Variants in ANKFY1 observed in about 807,000 individuals in gnomAD.
ANKFY1 encodes the protein ankyrin repeat and FYVE domain containing 1.
ANKFY1 carries 47 observed loss-of-function variants against 128.3 expected under a neutral mutation model. The observed-to-expected ratio is 0.37, with a 90% CI of 0.29 to 0.47. The LOEUF (loss-of-function observed/expected upper bound fraction) is 0.47, where lower values mean the gene tolerates loss of function less well. ANKFY1 is among the 20% of genes least tolerant of loss of function. The pLI is 1.00. For synonymous variants in ANKFY1, 553 were observed against 601.6 expected, an observed-to-expected ratio of 0.92 and a Z score of 1.18; for missense variants, 1,222 against 1,510.6, an observed-to-expected ratio of 0.81 and a Z score of 3.17.
chr17:4,211,955 G>T (rs1159237637), intron 4 of ANKFY1, among the ~76,000 whole-genome samples: 29 of 152,138 alleles, frequency 1.9e-4, no homozygotes, highest in African/African-American at 7.0e-4. Flanking sequence ...AGAAGAGAGA[G>T]CTGAAGGCAG....
chr17:4,263,541 C>G, intron 1 of ANKFY1: 1 of 1,532,072 alleles, frequency 6.5e-7, no homozygotes, highest in Non-Finnish European at 8.7e-7. Context: ...GGACCCCTTC[C>G]GGATGCAGAA....
intron 4 of ANKFY1, among the ~76,000 whole-genome samples, chr17:4,213,085 C>T (rs2060163179): frequency 6.6e-6 from 1 of 152,050 alleles, no homozygotes; most frequent in Non-Finnish European, 1.5e-5. Context: ...TCACAACACA[C>T]TTTCAAAACA....
Position 4,167,728 on chromosome 17 carries a change from A to AGCT in ANKFY1, c.*48_*50dup. The stretch of plus-strand genomic sequence containing the variant: ...GTGGGGTCAGGCTGGTGAGCAGAGC[A>AGCT]GCTGCTGGGGAGGTGACCAAGGACG... On this transcript the variant is annotated 3_prime_UTR_variant, in exon 25 of 25. Transcript: ENST00000341657. The surrounding 1 kb of genome is among the most constrained non-coding windows in gnomAD (Gnocchi z 4.1). The AGCT allele has an allele frequency of 6.4e-7, 1 of 1,558,098 alleles. No individual in the cohort carries two copies. Among genetic ancestry groups the AGCT allele is most frequent in the Non-Finnish European group, 8.7e-7 (1 of 1,148,874 alleles).
chr17:4,256,390 T>C (rs1316746737), intron 1 of ANKFY1, among the ~76,000 whole-genome samples: 1 of 152,062 alleles, frequency 6.6e-6, no homozygotes, highest in Non-Finnish European at 1.5e-5. Flanking sequence ...ATCGCACCAC[T>C]GCACTCCAGC....
chr17:4,174,751 C>CT (rs1479622831), intron 19 of ANKFY1, among the ~76,000 whole-genome samples: 1 of 152,016 alleles, frequency 6.6e-6, no homozygotes, highest in Non-Finnish European at 1.5e-5. Flanking sequence ...GAGACAGCAA[C>CT]TTGCTGTGTC....
intron 1 of ANKFY1, among the ~76,000 whole-genome samples, chr17:4,245,664 G>GC (rs1967498632): frequency 1.3e-5 from 2 of 150,816 alleles, no homozygotes. Flanking sequence ...ATCCCCTTGA[G>GC]CCTAGGAGGT....
intron 3 of ANKFY1, among the ~76,000 whole-genome samples, chr17:4,225,965 G>A (rs2060418317): frequency 6.6e-6 from 1 of 152,088 alleles, no homozygotes. Context: ...GTTTTGCCAT[G>A]TTGCCCAGGC....
At chr17:4,233,615 G>A (rs928877314) in intron 3 of ANKFY1, among the ~76,000 whole-genome samples, 4 of 152,190 alleles carry the variant, frequency 2.6e-5, no homozygotes, top group Admixed American at 2.0e-4. Context: ...CTTAATCCAT[G>A]AGATAAATGC....
intron 5 of ANKFY1, 118 bp downstream of exon 5, chr17:4,209,706 T>C: frequency 8.7e-7 from 1 of 1,154,046 alleles, no homozygotes; most frequent in Non-Finnish European, 1.2e-6. Flanking sequence ...TATTCTTCAA[T>C]TGTGTAACAA....
intron 1 of ANKFY1, among the ~76,000 whole-genome samples, chr17:4,250,997 G>T (rs1567979079): frequency 6.6e-6 from 1 of 152,152 alleles, no homozygotes; most frequent in Non-Finnish European, 1.5e-5. Context: ...CTGGGCAGGG[G>T]AAAGAAAAAG....
rs149263233 is a variant in ANKFY1 at position 4,166,327 on chromosome 17, G to A, written c.*1452C>T. 7.7e-3 allele frequency: 1,180 copies of A among 152,534 alleles called. 5 individuals are homozygous for A. Among genetic ancestry groups the A allele is most frequent in the South Asian group, 0.012 (60 of 4,834 alleles). The allele number at this position is 152,534 out of a possible 1,614,324, so 9.4% of individuals were successfully genotyped here. On this transcript the variant is annotated 3_prime_UTR_variant, in exon 25 of 25. Transcript: ENST00000341657. ...ACACATATAGTCAAACTTCATTAAT[G>A]CAAAAAAATGTAGTGGTTATTAAAT...
intron 6 of ANKFY1, 137 bp from the exon 7 acceptor site, chr17:4,206,623 A>G (rs1042800163): frequency 1.6e-5 from 12 of 739,470 alleles, no homozygotes; most frequent in Non-Finnish European, 2.3e-5. Flanking sequence ...TTACTCCCCA[A>G]ATTCAACTTT....
At chr17:4,261,788 TTACCTTCCTAAG>T (rs1418829484) in intron 1 of ANKFY1, among the ~76,000 whole-genome samples, 4 of 152,316 alleles carry the variant, frequency 2.6e-5, no homozygotes, top group African/African-American at 9.6e-5. Flanking sequence ...AACACCGAAC[TTACCTTCCTAAG>T]TGCAAAAGCG....
chr17:4,194,106 T>A (rs868599376), intron 10 of ANKFY1, among the ~76,000 whole-genome samples: 5,524 of 115,680 alleles, frequency 0.048, 92 homozygotes, highest in African/African-American at 0.069. Context: ...TATATATATT[T>A]TTTTTTTTTT....
rs1216017846 is a variant in ANKFY1 at position 4,242,590 on chromosome 17, AG to A, written c.11-143del. On this transcript the variant is annotated intron_variant, in intron 1 of 24. Transcript: ENST00000341657. ...CACTCTTTCTTAGTGATAGTCCTAC[AG>A]GATCAAGAATGGCTTTGACGGCTGG... is the stretch of plus-strand genomic sequence containing the variant. The A allele has an allele frequency of 4.0e-6, 3 of 741,392 alleles. No homozygotes were observed. In the African/African-American group the frequency reaches 5.5e-5, roughly 14 times the overall value. The allele number at this position is 741,392 out of a possible 1,614,324, so 45.9% of individuals were successfully genotyped here. A position where few individuals can be genotyped will look rare whatever the true frequency, so the allele number is the denominator to read the frequency against.
At chr17:4,168,542 G>A (rs1169856160) in intron 24 of ANKFY1, among the ~76,000 whole-genome samples, 1 of 152,048 alleles carries the variant, frequency 6.6e-6, no homozygotes, top group Non-Finnish European at 1.5e-5. Context: ...GGCCACGCTG[G>A]AGTGCAGTGG....
chr17:4,219,426 G>A (rs982138518), intron 3 of ANKFY1, among the ~76,000 whole-genome samples: 1 of 152,144 alleles, frequency 6.6e-6, no homozygotes, highest in African/African-American at 2.4e-5. Context: ...CAGAGATGGG[G>A]CCCAGCACAT....
chr17:4,186,666 G>T, intron 11 of ANKFY1: 2 of 296,264 alleles, frequency 6.8e-6, no homozygotes, highest in Non-Finnish European at 5.0e-6. Flanking sequence ...TGCAGTGTGA[G>T]CCCGCCCAAG....
chr17:4,203,402 C>A (rs1436463506), intron 7 of ANKFY1, among the ~76,000 whole-genome samples: 2 of 152,202 alleles, frequency 1.3e-5, no homozygotes, highest in Non-Finnish European at 2.9e-5. Flanking sequence ...AATGCAGCTT[C>A]TTGATGGTTT....
Sources: gnomAD v4.1 joint callset for allele counts (sites outside exome capture counted in the v4.1 genomes callset) on GRCh38, gnomAD v4.1.1 for gene constraint, Gnocchi (gnomAD v3.1) non-coding constraint, MANE v1.5 for transcripts, NCBI Gene and HGNC (gene_info 2026-07-23, HGNC 2026-07-21) for gene names.